Variants in TIMM23B observed in about 807,000 individuals in gnomAD.
TIMM23B encodes mitochondrial import inner membrane translocase subunit Tim23B.
A neutral mutation model predicts 27.3 loss-of-function variants in TIMM23B; 27 were observed. The ratio of observed to expected loss-of-function variants is 0.99; its 90% CI spans 0.73 to 1.36. The LOEUF (loss-of-function observed/expected upper bound fraction) is 1.36. TIMM23B is among the 40% of genes most tolerant of loss of function. The probability of loss-of-function intolerance (pLI) is 0.00; values close to 1 mark genes in which losing one functional copy is unlikely to be tolerated. For synonymous variants in TIMM23B, 73 were observed against 92.4 expected, an observed-to-expected ratio of 0.79 and a Z score of 1.21; for missense variants, 205 against 244.2, an observed-to-expected ratio of 0.84 and a Z score of 1.07.
rs1185811079 is a variant in TIMM23B at position 49,954,572 on chromosome 10, A to G, written c.345-430A>G. Among the ~76,000 whole-genome samples, 239 of 152,166 alleles carry G rather than the reference A, an allele frequency of 1.6e-3. 1 individual carries two copies. Among genetic ancestry groups the G allele is most frequent in the African/African-American group, 5.4e-3 (226 of 41,536 alleles). On this transcript the variant is annotated intron_variant, in intron 4 of 6. Transcript: ENST00000651259. ...TCTAAGCATATGTTCCCCTCCCAAA[A>G]AGAACCTTTTAGAAGCTAGCTCGCC...
chr10:49,950,217 T>C (rs1839482882), intron 2 of TIMM23B, among the ~76,000 whole-genome samples: 1 of 150,710 alleles, frequency 6.6e-6, no homozygotes, highest in African/African-American at 2.4e-5. Flanking sequence ...TTTTTTTTTT[T>C]TTCCCCCAGC....
chr10:49,965,281 C>T (rs568957441), intron 6 of TIMM23B, among the ~76,000 whole-genome samples: 2,757 of 146,670 alleles, frequency 0.019, 83 homozygotes, highest in African/African-American at 0.066. Flanking sequence ...ATGTGGGTGG[C>T]GCACTCCAGC....
chr10:49,947,169 T>C (rs1839378757), intron 2 of TIMM23B, among the ~76,000 whole-genome samples: 1 of 152,230 alleles, frequency 6.6e-6, no homozygotes, highest in African/African-American at 2.4e-5. Flanking sequence ...GTCAAACTCT[T>C]AGAAGAAATC....
chr10:49,971,022 C>T (rs1840419905), intron 6 of TIMM23B, among the ~76,000 whole-genome samples: 1 of 152,124 alleles, frequency 6.6e-6, no homozygotes, highest in Admixed American at 6.5e-5. Flanking sequence ...TGATCTATGA[C>T]CTTACCCCCA....
intron 2 of TIMM23B, among the ~76,000 whole-genome samples, chr10:49,949,171 T>C (rs1839442754): frequency 6.8e-6 from 1 of 147,868 alleles, no homozygotes; most frequent in African/African-American, 2.5e-5. Context: ...GTGCTGGAAT[T>C]ACAGGCATGA....
chr10:49,958,506 T>C (rs1417226797), intron 6 of TIMM23B, 26 bp downstream of exon 6: 100 of 1,606,422 alleles, frequency 6.2e-5, no homozygotes, highest in Non-Finnish European at 8.3e-5. Context: ...TGGGGAGCCA[T>C]CTCTTAATAT....
intron 6 of TIMM23B, among the ~76,000 whole-genome samples, chr10:49,969,752 CTCTCACTCTCCCTCTCCCCACGG>C (rs1840336531): frequency 6.6e-6 from 1 of 151,954 alleles, no homozygotes; most frequent in Non-Finnish European, 1.5e-5. Flanking sequence ...CTGGCTCTCC[CTCTCACTCTCCCTCTCCCCACGG>C]TCTCCCTCTC....
chr10:49,951,230 A>G (rs1262496495), intron 2 of TIMM23B, among the ~76,000 whole-genome samples: 2 of 152,196 alleles, frequency 1.3e-5, no homozygotes, highest in Admixed American at 6.5e-5. Context: ...TTCTGAATCA[A>G]CGTTCAGTAT....
Position 49,964,441 on chromosome 10 carries a change from GAAATGAAATGATC to G in TIMM23B, c.514+5974_514+5986del, listed in dbSNP as rs1406043985. ...ATAGAGCGAGTCTCTGTCTTGAAATGAAATGAAATGATCAAATGAAATGATGAAATGAAATAAT... is the reference window on the plus strand; with the variant it reads ...ATAGAGCGAGTCTCTGTCTTGAAATGAAATGAAATGATGAAATGAAATAAT... On this transcript the variant is annotated intron_variant, in intron 6 of 6. Coordinates refer to ENST00000651259, the MANE Select transcript of TIMM23B (RefSeq NM_001290117.2). Among the ~76,000 whole-genome samples, 6 of 150,448 alleles carry G rather than the reference GAAATGAAATGATC, an allele frequency of 4.0e-5. No individual in the cohort carries two copies. In the South Asian group the frequency reaches 8.4e-4, roughly 21 times the overall value.
chr10:49,965,316 CATGAA>C (rs1430178399), intron 6 of TIMM23B, among the ~76,000 whole-genome samples: 10 of 149,528 alleles, frequency 6.7e-5, no homozygotes, highest in East Asian at 4.0e-4. Context: ...GAGTCTCTGT[CATGAA>C]ATGAAATGGG....
At chr10:49,972,144 C>T (rs2805351) in intron 6 of TIMM23B, among the ~76,000 whole-genome samples, 56 of 152,314 alleles carry the variant, frequency 3.7e-4, no homozygotes, top group African/African-American at 1.3e-3. Context: ...TGGCAGTCCA[C>T]TGGCCGAAGA....
chr10:49,954,658 C>G (rs1393567467), intron 4 of TIMM23B, among the ~76,000 whole-genome samples: 2 of 151,310 alleles, frequency 1.3e-5, no homozygotes, highest in African/African-American at 4.8e-5. Context: ...AAGATACATT[C>G]CAGGCTGTCA....
intron 1 of TIMM23B, among the ~76,000 whole-genome samples, chr10:49,944,409 A>G (rs1839290341): frequency 6.6e-6 from 1 of 152,114 alleles, no homozygotes; most frequent in African/African-American, 2.4e-5. Context: ...CTGCTGAGAT[A>G]CAGAAGGATC....
chr10:49,965,483 G>C (rs1463945476), intron 6 of TIMM23B, among the ~76,000 whole-genome samples: 1 of 140,368 alleles, frequency 7.1e-6, no homozygotes, highest in African/African-American at 2.5e-5. Flanking sequence ...GTGCACTCCA[G>C]ACTGGGCGAT....
At chr10:49,944,959 A>C in intron 1 of TIMM23B, 73 bp from the exon 2 acceptor site, 2 of 1,568,188 alleles carry the variant, frequency 1.3e-6, no homozygotes, top group Non-Finnish European at 1.7e-6. Context: ...TGTAACAATC[A>C]GGAGCTGGAT....
intron 6 of TIMM23B, among the ~76,000 whole-genome samples, chr10:49,970,626 AG>A (rs1564692361): frequency 7.6e-6 from 1 of 131,920 alleles, no homozygotes; most frequent in Admixed American, 7.5e-5. Flanking sequence ...GTGGGGGGGC[AG>A]CCCCCGCCCG....
chr10:49,952,762 CT>C (rs1839579209), intron 4 of TIMM23B, among the ~76,000 whole-genome samples: 1 of 147,976 alleles, frequency 6.8e-6, no homozygotes, highest in African/African-American at 2.5e-5. Context: ...TCAGCTAGTG[CT>C]ATGCCAGCCT....
intron 5 of TIMM23B, among the ~76,000 whole-genome samples, chr10:49,955,564 G>C (rs1839688478): frequency 6.6e-6 from 1 of 152,208 alleles, no homozygotes; most frequent in African/African-American, 2.4e-5. Context: ...CTAGGCAAAA[G>C]GTAATTTAGT....
At chr10:49,961,656 G>A (rs1224509570) in intron 6 of TIMM23B, among the ~76,000 whole-genome samples, 6 of 151,780 alleles carry the variant, frequency 4.0e-5, no homozygotes, top group Admixed American at 6.6e-5. Context: ...CTAAAGTGCA[G>A]TGGTGCCATC....
Sources: gnomAD v4.1 joint callset for allele counts (sites outside exome capture counted in the v4.1 genomes callset) on GRCh38, gnomAD v4.1.1 for gene constraint, MANE v1.5 for transcripts, NCBI Gene and HGNC (gene_info 2026-07-23, HGNC 2026-07-21) for gene names.